The following ERBB4 variants were observed in gnomAD, a reference collection of about 807,000 sequenced individuals.
ERBB4 encodes the protein erb-b2 receptor tyrosine kinase 4, also known as receptor tyrosine-protein kinase erbB-4.
A neutral mutation model predicts 158.0 loss-of-function variants in ERBB4; 42 were observed. The ratio of observed to expected loss-of-function variants is 0.27; its 90% confidence interval spans 0.21 to 0.34. The LOEUF (loss-of-function observed/expected upper bound fraction) is 0.34. ERBB4 is among the 10% of genes least tolerant of loss of function. The probability of loss-of-function intolerance (pLI) is 1.00; values close to 1 mark genes in which losing one functional copy is unlikely to be tolerated. For missense variants in ERBB4, 1,333 were observed against 1,624.1 expected (o/e 0.82, Z 3.08); for synonymous variants, 583 against 558.7 (o/e 1.04, Z -0.61).
intron 1 of ERBB4, among the ~76,000 whole-genome samples, chr2:212,131,268 G>GC (rs147851749): frequency 0.029 from 4,359 of 152,014 alleles, 144 homozygotes; most frequent in African/African-American, 0.079. Flanking sequence ...TTTCCTATTT[G>GC]CCCCATTAAT....
At chr2:212,110,069 C>T (rs1459066795) in intron 2 of ERBB4, among the ~76,000 whole-genome samples, 1 of 152,142 alleles carries the variant, frequency 6.6e-6, no homozygotes, top group African/African-American at 2.4e-5. Context: ...CACTGCTTCA[C>T]AGGGGTAGTG....
At chr2:211,758,669 T>C (rs1314126634) in intron 4 of ERBB4, among the ~76,000 whole-genome samples, 3 of 152,086 alleles carry the variant, frequency 2.0e-5, no homozygotes, top group Non-Finnish European at 4.4e-5. Flanking sequence ...TTGAAACCAA[T>C]AACAACAATA....
At chr2:212,315,496 G>C (rs4641885) in intron 1 of ERBB4, among the ~76,000 whole-genome samples, 79,340 of 151,158 alleles carry the variant, frequency 0.52, 23,981 homozygotes, top group East Asian at 0.72. Context: ...CAGGTATATA[G>C]CAACAAATAA....
At chr2:211,651,731 T>C (rs1264702116) in intron 16 of ERBB4, among the ~76,000 whole-genome samples, 1 of 152,076 alleles carries the variant, frequency 6.6e-6, no homozygotes, top group Non-Finnish European at 1.5e-5. Flanking sequence ...TGACAAGGAA[T>C]ACACATGGCT....
chr2:211,549,036 T>A (rs1291163333), intron 20 of ERBB4, among the ~76,000 whole-genome samples: 2 of 152,086 alleles, frequency 1.3e-5, no homozygotes, highest in South Asian at 2.1e-4. Flanking sequence ...CGTCATTTTT[T>A]AATTGTTTTT....
intron 5 of ERBB4, among the ~76,000 whole-genome samples, chr2:211,725,947 C>G (rs1450666546): frequency 6.6e-6 from 1 of 152,054 alleles, no homozygotes; most frequent in Non-Finnish European, 1.5e-5. Flanking sequence ...TGCTTCAATC[C>G]AAGCTGACAG....
At chr2:211,549,915 C>A (rs915038483) in intron 20 of ERBB4, among the ~76,000 whole-genome samples, 1 of 152,054 alleles carries the variant, frequency 6.6e-6, no homozygotes, top group African/African-American at 2.4e-5. Flanking sequence ...TCTTCAGTAT[C>A]TCTAGAAAGA....
chr2:211,469,789 G>T (rs182540420), intron 20 of ERBB4, among the ~76,000 whole-genome samples: 68 of 152,274 alleles, frequency 4.5e-4, no homozygotes, highest in Middle Eastern at 3.4e-3. Context: ...TTCTGCAGAA[G>T]GAGTATAATT....
intron 1 of ERBB4, among the ~76,000 whole-genome samples, chr2:212,129,513 TATAA>T (rs895627719): frequency 6.6e-6 from 1 of 151,748 alleles, no homozygotes; most frequent in African/African-American, 2.4e-5. Flanking sequence ...ATTTGTATGG[TATAA>T]ATACTTAGGA....
At chr2:211,740,612 TTTTC>T (rs1176792391) in intron 5 of ERBB4, among the ~76,000 whole-genome samples, 9 of 148,238 alleles carry the variant, frequency 6.1e-5, no homozygotes, top group African/African-American at 7.5e-5. Flanking sequence ...TAATTATTTC[TTTTC>T]TTTGTCTTTT....
chr2:211,921,293 A>G (rs989195908), intron 3 of ERBB4, among the ~76,000 whole-genome samples: 3 of 152,022 alleles, frequency 2.0e-5, no homozygotes, highest in African/African-American at 4.8e-5. Context: ...GCTGGCTAAC[A>G]TGATCCCCTC....
chr2:211,591,169 GCAT>G (rs2068450005), intron 19 of ERBB4, among the ~76,000 whole-genome samples: 1 of 152,182 alleles, frequency 6.6e-6, no homozygotes. Context: ...GCTAATTGGA[GCAT>G]CATTATTTAC....
At chr2:211,810,135 G>A (rs1206838017) in intron 3 of ERBB4, among the ~76,000 whole-genome samples, 1 of 152,194 alleles carries the variant, frequency 6.6e-6, no homozygotes, top group Non-Finnish European at 1.5e-5. Context: ...TGGAATAAGT[G>A]TGATGTGGTG....
At chr2:212,420,264 C>T (rs367694539) in intron 1 of ERBB4, among the ~76,000 whole-genome samples, 27 of 151,972 alleles carry the variant, frequency 1.8e-4, no homozygotes, top group African/African-American at 5.5e-4. Flanking sequence ...CAAGACTGCA[C>T]GATTTATTTT....
intron 15 of ERBB4, among the ~76,000 whole-genome samples, chr2:211,663,433 G>A (rs149128373): frequency 6.6e-6 from 1 of 152,044 alleles, no homozygotes; most frequent in Non-Finnish European, 1.5e-5. Flanking sequence ...AATTGCTAAA[G>A]GTGTCTTTTT....
At chr2:212,233,570 G>A (rs905505076) in intron 1 of ERBB4, among the ~76,000 whole-genome samples, 4 of 149,364 alleles carry the variant, frequency 2.7e-5, no homozygotes, top group South Asian at 2.1e-4. Context: ...TAAACATGCC[G>A]ATTAGACAGA....
chr2:212,132,472 G>T (rs1256556969), intron 1 of ERBB4, among the ~76,000 whole-genome samples: 1 of 152,118 alleles, frequency 6.6e-6, no homozygotes, highest in Non-Finnish European at 1.5e-5. Context: ...CCCCAGTGTG[G>T]GTGAGTATTA....
intron 16 of ERBB4, among the ~76,000 whole-genome samples, chr2:211,647,671 A>G (rs761951346): frequency 1.3e-5 from 2 of 151,710 alleles, no homozygotes; most frequent in African/African-American, 2.4e-5. Flanking sequence ...TATTTTTTGA[A>G]TCTTAACACT....
intron 3 of ERBB4, among the ~76,000 whole-genome samples, chr2:211,877,995 C>G (rs1040617392): frequency 2.6e-5 from 4 of 152,152 alleles, no homozygotes; most frequent in Non-Finnish European, 2.9e-5. Flanking sequence ...GTAATCCCAG[C>G]TATTCAGGAG....
Sources: allele counts gnomAD v4.1 joint callset (sites outside exome capture counted in the v4.1 genomes callset), GRCh38; gene constraint gnomAD v4.1.1; transcripts MANE v1.5; gene names NCBI Gene and HGNC (gene_info 2026-07-23, HGNC 2026-07-21).